The following LTBP1 variants were observed in gnomAD, a reference collection of about 807,000 sequenced individuals.
LTBP1 encodes the protein latent-transforming growth factor beta-binding protein 1.
LTBP1 carries 129 observed loss-of-function variants against 207.6 expected under a neutral mutation model. The ratio of observed to expected loss-of-function variants is 0.62; its 90% CI spans 0.54 to 0.72. The LOEUF is 0.72. LTBP1 is among the 30% of genes least tolerant of loss of function. LTBP1 has a pLI of 0.00. For missense variants in LTBP1, 2,281 were observed against 2,217.2 expected (o/e 1.03, Z -0.58); for synonymous variants, 963 against 833.7 (o/e 1.16, Z -2.67).
intron 24 of LTBP1, among the ~76,000 whole-genome samples, chr2:33,333,798 A>AAGAGAAGTCTAGTCT: frequency 6.6e-6 from 1 of 152,292 alleles, no homozygotes; most frequent in East Asian, 1.9e-4. Context: ...TAAAAACTGG[A>AAGAGAAGTCTAGTCT]AGTCATCAGA....
chr2:33,046,632 G>T (rs1293164133), intron 3 of LTBP1, among the ~76,000 whole-genome samples: 1 of 151,700 alleles, frequency 6.6e-6, no homozygotes, highest in Admixed American at 6.6e-5. Flanking sequence ...CTCATAAAAT[G>T]AGTTAGGGAG....
At chr2:33,207,119 G>C (rs1449247011) in intron 7 of LTBP1, among the ~76,000 whole-genome samples, 3 of 152,168 alleles carry the variant, frequency 2.0e-5, no homozygotes, top group African/African-American at 7.2e-5. Flanking sequence ...TGTAGAGGTG[G>C]AGAAAATAGG....
intron 3 of LTBP1, among the ~76,000 whole-genome samples, chr2:33,099,027 A>G (rs984855352): frequency 6.6e-6 from 1 of 152,150 alleles, no homozygotes; most frequent in African/African-American, 2.4e-5. Flanking sequence ...ATAATTTTGT[A>G]CTTGTGCTCC....
intron 2 of LTBP1, among the ~76,000 whole-genome samples, chr2:32,952,108 G>C (rs1451129879): frequency 6.6e-6 from 1 of 152,232 alleles, no homozygotes; most frequent in African/African-American, 2.4e-5. Flanking sequence ...TGTTCATGTT[G>C]TTCAGTATTT....
chr2:33,347,151 G>A (rs112558678), intron 25 of LTBP1, among the ~76,000 whole-genome samples: 6,055 of 148,808 alleles, frequency 0.041, 125 homozygotes, highest in Non-Finnish European at 0.053. Context: ...ACCTAAATTC[G>A]GAATTGTCTT....
chr2:33,352,521 A>G (rs1230652912), intron 26 of LTBP1, among the ~76,000 whole-genome samples: 1 of 152,096 alleles, frequency 6.6e-6, no homozygotes, highest in Non-Finnish European at 1.5e-5. Flanking sequence ...GCAGTCCATC[A>G]TAATATCCTG....
chr2:33,252,554 T>C (rs2092713474), intron 10 of LTBP1, 123 bp from the exon 11 acceptor site: 1 of 892,444 alleles, frequency 1.1e-6, no homozygotes, highest in Non-Finnish European at 1.6e-6. Context: ...GCTCTAAATC[T>C]AGACAGATTT....
intron 3 of LTBP1, among the ~76,000 whole-genome samples, chr2:33,040,733 C>G (rs892522966): frequency 6.6e-6 from 1 of 152,182 alleles, no homozygotes; most frequent in Non-Finnish European, 1.5e-5. Context: ...GATGATTGAA[C>G]TATTTACTGG....
intron 19 of LTBP1, among the ~76,000 whole-genome samples, chr2:33,281,359 A>G (rs1235806928): frequency 6.6e-6 from 1 of 152,122 alleles, no homozygotes; most frequent in African/African-American, 2.4e-5. Flanking sequence ...GAGGGAGAAC[A>G]TTTCAGGCAC....
At chr2:33,081,376 C>T (rs2078387562) in intron 3 of LTBP1, among the ~76,000 whole-genome samples, 1 of 152,070 alleles carries the variant, frequency 6.6e-6, no homozygotes, top group South Asian at 2.1e-4. Flanking sequence ...CATATACACA[C>T]ATGTGCCCAC....
intron 31 of LTBP1, among the ~76,000 whole-genome samples, chr2:33,366,017 C>A (rs2094982644): frequency 6.6e-6 from 1 of 152,166 alleles, no homozygotes; most frequent in South Asian, 2.1e-4. Context: ...ATCTCCTTTC[C>A]TTTCAAGTTC....
At chr2:33,050,205 G>T (rs2076659852) in intron 3 of LTBP1, among the ~76,000 whole-genome samples, 2 of 138,414 alleles carry the variant, frequency 1.4e-5, no homozygotes, top group African/African-American at 2.8e-5. Context: ...GGTGGCCATT[G>T]GTCTACAGAC....
At chr2:33,046,733 G>C (rs766666809) in intron 3 of LTBP1, among the ~76,000 whole-genome samples, 1 of 152,116 alleles carries the variant, frequency 6.6e-6, no homozygotes, top group Non-Finnish European at 1.5e-5. Flanking sequence ...CTGTGAATCT[G>C]TCTGGTCCTG....
chr2:33,354,292 T>C (rs1358599298), intron 26 of LTBP1, among the ~76,000 whole-genome samples: 1 of 152,150 alleles, frequency 6.6e-6, no homozygotes, highest in Non-Finnish European at 1.5e-5. Flanking sequence ...GAAAGACTTA[T>C]AAAAATTATT....
chr2:33,163,699 A>G (rs187942583), intron 5 of LTBP1, among the ~76,000 whole-genome samples: 6 of 152,346 alleles, frequency 3.9e-5, no homozygotes, highest in East Asian at 3.9e-4. Context: ...ATACATTTGT[A>G]TAAATAAAAG....
At chr2:33,114,454 A>C (rs943755970) in intron 4 of LTBP1, among the ~76,000 whole-genome samples, 1 of 152,160 alleles carries the variant, frequency 6.6e-6, no homozygotes, top group South Asian at 2.1e-4. Context: ...CTCTCAATCC[A>C]CTGAAAACAT....
chr2:33,133,974 G>A (rs536642836), intron 4 of LTBP1, among the ~76,000 whole-genome samples: 3 of 152,230 alleles, frequency 2.0e-5, no homozygotes, highest in South Asian at 2.1e-4. Flanking sequence ...ATAGCATTTC[G>A]TTTTTAAGAG....
At chr2:33,045,523 GTATAGT>G (rs2149449823) in intron 3 of LTBP1, among the ~76,000 whole-genome samples, 1 of 152,318 alleles carries the variant, frequency 6.6e-6, no homozygotes, top group East Asian at 1.9e-4. Context: ...TAGCCTTGTA[GTATAGT>G]TTGAAGTCAG....
intron 31 of LTBP1, among the ~76,000 whole-genome samples, chr2:33,375,724 A>G (rs537657387): frequency 3.5e-4 from 39 of 111,018 alleles, no homozygotes; most frequent in Non-Finnish European, 6.3e-4. Context: ...TTTTTTTTTT[A>G]GTAGAGACGG....
Sources: gnomAD v4.1 joint callset for allele counts (sites outside exome capture counted in the v4.1 genomes callset) on GRCh38, gnomAD v4.1.1 for gene constraint, MANE v1.5 for transcripts, NCBI Gene and HGNC (gene_info 2026-07-23, HGNC 2026-07-21) for gene names.